Variants in SNCAIP observed in about 807,000 individuals in gnomAD.
SNCAIP encodes the protein synphilin-1.
In SNCAIP, 43 loss-of-function variants were observed where a neutral mutation model predicts 86.7. The observed-to-expected ratio is 0.50, with a 90% confidence interval of 0.39 to 0.64. The LOEUF (loss-of-function observed/expected upper bound fraction) is 0.64, where lower values mean the gene tolerates loss of function less well. Among genes scored for constraint, SNCAIP ranks in the 30% least tolerant of loss-of-function variants. SNCAIP has a pLI of 0.00. For missense variants in SNCAIP, 981 were observed against 1,103.1 expected, an observed-to-expected ratio of 0.89 and a Z score of 1.57; for synonymous variants, 417 against 427.2, an observed-to-expected ratio of 0.98 and a Z score of 0.29.
intron 1 of SNCAIP, among the ~76,000 whole-genome samples, chr5:122,379,983 G>T (rs1231763866): frequency 1.3e-5 from 2 of 151,692 alleles, no homozygotes; most frequent in Non-Finnish European, 2.9e-5. Context: ...TTCATCAAGG[G>T]TATTGGTCTA....
chr5:122,426,392 A>G (rs1237815977), intron 5 of SNCAIP, among the ~76,000 whole-genome samples: 1 of 152,220 alleles, frequency 6.6e-6, no homozygotes, highest in Non-Finnish European at 1.5e-5. Flanking sequence ...TTTGTTAGAG[A>G]AACCTACATG....
intron 1 of SNCAIP, among the ~76,000 whole-genome samples, chr5:122,331,990 T>C (rs1359602447): frequency 6.6e-6 from 1 of 152,242 alleles, no homozygotes; most frequent in Non-Finnish European, 1.5e-5. Context: ...CTGCACTTAA[T>C]AAACAATCCT....
chr5:122,453,093 G>A (rs1485338039), intron 10 of SNCAIP: 4 of 701,750 alleles, frequency 5.7e-6, no homozygotes, highest in South Asian at 3.7e-5. Context: ...TTTCATCAGG[G>A]GATAACACCA....
chr5:122,413,638 G>C (rs1182335488), intron 3 of SNCAIP, among the ~76,000 whole-genome samples: 1 of 151,846 alleles, frequency 6.6e-6, no homozygotes, highest in Non-Finnish European at 1.5e-5. Context: ...TATATTTGTT[G>C]AATGAATGAA....
At chr5:122,430,505 G>A (rs968426730) in intron 5 of SNCAIP, among the ~76,000 whole-genome samples, 8 of 152,170 alleles carry the variant, frequency 5.3e-5, no homozygotes, top group Non-Finnish European at 8.8e-5. Context: ...ATTGAGTATC[G>A]GATAGGTAAA....
intron 10 of SNCAIP, among the ~76,000 whole-genome samples, chr5:122,453,974 G>T (rs1784224953): frequency 6.6e-6 from 1 of 152,068 alleles, no homozygotes; most frequent in African/African-American, 2.4e-5. Context: ...GCTCAGGCTG[G>T]TCTCAAACTC....
intron 5 of SNCAIP, among the ~76,000 whole-genome samples, chr5:122,427,936 A>C (rs1777670021): frequency 6.6e-6 from 1 of 152,200 alleles, no homozygotes; most frequent in African/African-American, 2.4e-5. Context: ...TGCCAGTTAC[A>C]TACAGAATTT....
chr5:122,457,599 C>T (rs1785080985), intron 10 of SNCAIP, among the ~76,000 whole-genome samples: 1 of 152,164 alleles, frequency 6.6e-6, no homozygotes, highest in South Asian at 2.1e-4. Flanking sequence ...CCCGCCAACT[C>T]TTTCTCTCTC....
At chr5:122,341,113 T>C (rs979989157) in intron 1 of SNCAIP, among the ~76,000 whole-genome samples, 6 of 152,198 alleles carry the variant, frequency 3.9e-5, no homozygotes, top group Non-Finnish European at 8.8e-5. Flanking sequence ...TTAGAATCTC[T>C]AGTGCCAGAA....
At chr5:122,443,621 TACAC>T (rs1295648411) in intron 7 of SNCAIP, 7 of 456,970 alleles carry the variant, frequency 1.5e-5, no homozygotes, top group Admixed American at 1.4e-4. Context: ...CATGCCTTTT[TACAC>T]ACCACTTTAG....
chr5:122,458,315 A>G (rs1037935054), intron 10 of SNCAIP, among the ~76,000 whole-genome samples: 1 of 152,156 alleles, frequency 6.6e-6, no homozygotes, highest in African/African-American at 2.4e-5. Context: ...TGATTTAAGG[A>G]TAGTCAGAAA....
At chr5:122,351,086 G>A (rs961898590) in intron 1 of SNCAIP, among the ~76,000 whole-genome samples, 22 of 152,078 alleles carry the variant, frequency 1.4e-4, no homozygotes, top group Non-Finnish European at 2.5e-4. Flanking sequence ...TATTGATTCA[G>A]CATATTTAGT....
In SNCAIP at chr5:122,331,693, T is replaced by C. The variant is rs1210659936; in HGVS notation, c.-47+19409T>C. On this transcript the variant is annotated intron_variant, in intron 1 of 10. Coordinates refer to ENST00000261368, the MANE Select transcript of SNCAIP (RefSeq NM_005460.4). ...TGCTGCCTTCTTCTGTGTCCTCACA[T>C]GGTGGAAGGGGCAAGCCAGACTCAG... is the stretch of plus-strand genomic sequence containing the variant. Among the ~76,000 whole-genome samples, 8 of 152,336 alleles carry C rather than the reference T, an allele frequency of 5.3e-5. No individual in the cohort carries two copies. The East Asian group carries it at 1.2e-3, about 22-fold the overall frequency.
chr5:122,460,042 G>A (rs987432328), intron 10 of SNCAIP, among the ~76,000 whole-genome samples: 1 of 151,766 alleles, frequency 6.6e-6, no homozygotes, highest in East Asian at 1.9e-4. Context: ...TATAAAGCAC[G>A]TACAGTATCC....
intron 1 of SNCAIP, among the ~76,000 whole-genome samples, chr5:122,322,624 A>C (rs1753186068): frequency 6.6e-6 from 1 of 152,218 alleles, no homozygotes; most frequent in Non-Finnish European, 1.5e-5. Flanking sequence ...CTGCTGTCAC[A>C]CACTATGTTT....
chr5:122,463,581 T>C lies in SNCAIP; in HGVS notation c.*85T>C. On this transcript the variant is annotated 3_prime_UTR_variant, in exon 11 of 11. Coordinates refer to ENST00000261368, the MANE Select transcript of SNCAIP (RefSeq NM_005460.4). Reference sequence around the variant, plus strand: ...CAAAAGAACTCTTCTTGTAAATCACTTTTTAAATTTTCTCTCACTGATGCC... The same window carrying C: ...CAAAAGAACTCTTCTTGTAAATCACCTTTTAAATTTTCTCTCACTGATGCC... The C allele has an allele frequency of 1.3e-6, 2 of 1,524,466 alleles. No individual in the cohort carries two copies. The highest frequency in any genetic ancestry group is 1.8e-6 in the Non-Finnish European group (2 of 1,105,368). 94.4% of individuals were successfully genotyped at this position (1,524,466 alleles called of 1,614,324 possible). A position where few individuals can be genotyped will look rare whatever the true frequency, so the allele number is the denominator to read the frequency against.
intron 1 of SNCAIP, among the ~76,000 whole-genome samples, chr5:122,347,292 A>G (rs1758796758): frequency 6.6e-6 from 1 of 152,132 alleles, no homozygotes; most frequent in Admixed American, 6.6e-5. Flanking sequence ...AAAGCTTGCT[A>G]GGATAAAGTG....
intron 1 of SNCAIP, among the ~76,000 whole-genome samples, chr5:122,346,319 G>C (rs1758616594): frequency 6.6e-6 from 1 of 152,116 alleles, no homozygotes; most frequent in Admixed American, 6.6e-5. Context: ...ACATGGTTCA[G>C]CTAATAGTAT....
At chr5:122,444,389 T>G in intron 7 of SNCAIP, 174 bp from the exon 8 acceptor site, 1 of 677,862 alleles carries the variant, frequency 1.5e-6, no homozygotes, top group East Asian at 2.7e-5. Flanking sequence ...TGAGCATTGA[T>G]AGTAGTAGGA....
Sources: gnomAD v4.1 joint callset for allele counts (sites outside exome capture counted in the v4.1 genomes callset) on GRCh38, gnomAD v4.1.1 for gene constraint, MANE v1.5 for transcripts, NCBI Gene and HGNC (gene_info 2026-07-23, HGNC 2026-07-21) for gene names.